DGCR2: variants seen among roughly 807,000 people sequenced by gnomAD.
DGCR2 encodes the protein DiGeorge syndrome critical region gene 2.
DGCR2 carries 24 observed loss-of-function variants against 51.6 expected under a neutral mutation model. The observed-to-expected ratio is 0.47, with a 90% CI of 0.34 to 0.65. The LOEUF is 0.65. DGCR2 is among the 30% of genes least tolerant of loss of function. The pLI is 0.01. For synonymous variants in DGCR2, 340 were observed against 315.4 expected (o/e 1.08, Z -0.82); for missense variants, 765 against 772.1 (o/e 0.99, Z 0.11).
At chr22:19,044,454 G>A (rs994744318) in intron 7 of DGCR2, among the ~76,000 whole-genome samples, 20 of 152,242 alleles carry the variant, frequency 1.3e-4, no homozygotes, top group African/African-American at 4.3e-4. Context: ...GAGACACCAT[G>A]GGGAGCAGAA....
At chr22:19,040,495 GGGTCAGGGGCCTGCCACTCCTTAGCTAC>G (rs1444278874) in intron 9 of DGCR2, among the ~76,000 whole-genome samples, 1 of 152,222 alleles carries the variant, frequency 6.6e-6, no homozygotes, top group Non-Finnish European at 1.5e-5. Flanking sequence ...GACAGGCCAG[GGGTCAGGGGCCTGCCACTCCTTAGCTAC>G]ACAGCCTTGA....
chr22:19,054,989 G>A (rs1445434381), intron 6 of DGCR2, among the ~76,000 whole-genome samples: 1 of 152,068 alleles, frequency 6.6e-6, no homozygotes, highest in Non-Finnish European at 1.5e-5. Context: ...GGTGGCACAT[G>A]TCTGTAATCC....
At chr22:19,049,403 C>T (rs77544013) in intron 6 of DGCR2, among the ~76,000 whole-genome samples, 2,497 of 152,092 alleles carry the variant, frequency 0.016, 89 homozygotes, top group East Asian at 0.062. Context: ...AAGGAGCCTC[C>T]AAGAGAGCCA....
At chr22:19,070,870 T>C (rs1301164059) in intron 2 of DGCR2, among the ~76,000 whole-genome samples, 2 of 152,204 alleles carry the variant, frequency 1.3e-5, no homozygotes, top group South Asian at 2.1e-4. Flanking sequence ...ACACAGGCCT[T>C]TGCCAGCAAG....
intron 2 of DGCR2, among the ~76,000 whole-genome samples, chr22:19,082,861 G>A (rs1005367950): frequency 6.6e-6 from 1 of 152,158 alleles, no homozygotes; most frequent in Non-Finnish European, 1.5e-5. Flanking sequence ...AGCCGAAGCA[G>A]GCAGACTGCT....
intron 4 of DGCR2, among the ~76,000 whole-genome samples, chr22:19,064,099 T>C (rs953682719): frequency 6.6e-6 from 1 of 152,244 alleles, no homozygotes; most frequent in Non-Finnish European, 1.5e-5. Flanking sequence ...GCCTAGTCCA[T>C]GTCCCTTGGC....
intron 2 of DGCR2, among the ~76,000 whole-genome samples, chr22:19,068,681 C>T (rs1005432425): frequency 1.3e-5 from 2 of 152,218 alleles, no homozygotes; most frequent in Admixed American, 6.5e-5. Flanking sequence ...CAGCCCTTGT[C>T]CTGGGGCCTG....
intron 7 of DGCR2, among the ~76,000 whole-genome samples, chr22:19,045,920 G>T (rs923693163): frequency 1.3e-5 from 2 of 152,070 alleles, no homozygotes; most frequent in African/African-American, 4.8e-5. Context: ...TAGAGATGGG[G>T]CTTCACCATG....
chr22:19,042,901 G>A (rs1223835489), intron 7 of DGCR2, among the ~76,000 whole-genome samples: 2 of 152,158 alleles, frequency 1.3e-5, no homozygotes, highest in African/African-American at 4.8e-5. Flanking sequence ...CAGAGAAAAT[G>A]CGCATCCCCT....
chr22:19,048,022 G>A (rs149567882), intron 7 of DGCR2: 2,744 of 236,330 alleles, frequency 0.012, 79 homozygotes, highest in African/African-American at 0.058. Flanking sequence ...GCGAAACCCC[G>A]TCTCTACTAA....
At chr22:19,103,480 G>A (rs1424355266) in intron 1 of DGCR2, among the ~76,000 whole-genome samples, 1 of 131,734 alleles carries the variant, frequency 7.6e-6, no homozygotes, top group Non-Finnish European at 1.5e-5. Context: ...ACCCAGGCTG[G>A]AGTGCAGTGG....
intron 7 of DGCR2, among the ~76,000 whole-genome samples, chr22:19,045,032 C>A (rs1024340564): frequency 6.6e-6 from 1 of 152,102 alleles, no homozygotes; most frequent in Admixed American, 6.5e-5. Flanking sequence ...TGTTGCCTAA[C>A]CCATGGTCAC....
At chr22:19,064,715 TG>T in intron 4 of DGCR2, 132 bp downstream of exon 4, 1 of 797,566 alleles carries the variant, frequency 1.3e-6, no homozygotes, top group Non-Finnish European at 2.0e-6. Context: ...GGGCTTCCAG[TG>T]GGCGAGGCTG....
chr22:19,122,004 C>G (rs975764343), intron 1 of DGCR2, 124 bp downstream of exon 1: 1 of 559,682 alleles, frequency 1.8e-6, no homozygotes, highest in African/African-American at 2.0e-5. Flanking sequence ...GCGAGCCAGG[C>G]CCCGCCCGCC....
chr22:19,044,437 T>C (rs1213120976), intron 7 of DGCR2, among the ~76,000 whole-genome samples: 1 of 152,204 alleles, frequency 6.6e-6, no homozygotes, highest in Admixed American at 6.5e-5. Context: ...TTTCAAAATC[T>C]CCATCAGAGA....
intron 6 of DGCR2, among the ~76,000 whole-genome samples, chr22:19,051,188 CAAAAAAAAAAAAA>C (rs61277487): frequency 3.6e-5 from 2 of 54,852 alleles, no homozygotes; most frequent in East Asian, 6.4e-4. Flanking sequence ...AATTCTGTCA[CAAAAAAAAAAAAA>C]AAAAAAAAAA....
intron 6 of DGCR2, among the ~76,000 whole-genome samples, chr22:19,053,920 C>A (rs1218123334): frequency 6.6e-6 from 1 of 152,082 alleles, no homozygotes; most frequent in Non-Finnish European, 1.5e-5. Flanking sequence ...ATGAAGAATA[C>A]CTTCAATGGG....
chr22:19,092,970 G>C (rs548392449), intron 1 of DGCR2, among the ~76,000 whole-genome samples: 1 of 127,186 alleles, frequency 7.9e-6, no homozygotes, highest in South Asian at 2.6e-4. Flanking sequence ...AAAAAAAGGA[G>C]GAGGAAGAGG....
intron 1 of DGCR2, among the ~76,000 whole-genome samples, chr22:19,117,477 G>C (rs1416877336): frequency 1.3e-5 from 2 of 152,236 alleles, no homozygotes; most frequent in African/African-American, 4.8e-5. Flanking sequence ...GCAGGTGTTA[G>C]TGAGAACGAT....
Sources: gnomAD v4.1 joint callset for allele counts (sites outside exome capture counted in the v4.1 genomes callset) on GRCh38, gnomAD v4.1.1 for gene constraint, MANE v1.5 for transcripts, NCBI Gene and HGNC (gene_info 2026-07-23, HGNC 2026-07-21) for gene names.